Variants in PAWR observed in about 807,000 individuals in gnomAD.
PAWR encodes the protein PRKC apoptosis WT1 regulator protein.
PAWR carries 23 observed loss-of-function variants against 32.0 expected under a neutral mutation model. The observed-to-expected ratio is 0.72, with a 90% CI of 0.52 to 1.02. The LOEUF (loss-of-function observed/expected upper bound fraction) is 1.02. Among genes scored for constraint, PAWR ranks in the 50% least tolerant of loss-of-function variants. The pLI is 0.00. For missense variants in PAWR, 457 were observed against 437.7 expected, an observed-to-expected ratio of 1.04 and a Z score of -0.39; for synonymous variants, 226 against 187.1, an observed-to-expected ratio of 1.21 and a Z score of -1.70.
chr12:79,635,229 C>A (rs1202317066), intron 2 of PAWR, among the ~76,000 whole-genome samples: 1 of 152,050 alleles, frequency 6.6e-6, no homozygotes, highest in Non-Finnish European at 1.5e-5. Flanking sequence ...TAGCTTGGGA[C>A]CTGGTAGTAG....
intron 4 of PAWR, chr12:79,604,673 C>G: frequency 7.8e-7 from 1 of 1,288,692 alleles, no homozygotes; most frequent in Non-Finnish European, 1.0e-6. Context: ...CTCCAACACT[C>G]CCACTCCTCG....
chr12:79,686,032 T>C (rs1381015216), intron 2 of PAWR, among the ~76,000 whole-genome samples: 3 of 152,224 alleles, frequency 2.0e-5, no homozygotes, highest in Non-Finnish European at 4.4e-5. Context: ...TGCTGTGAAC[T>C]TCAGTACATA....
chr12:79,623,500 A>C (rs1357988400), intron 2 of PAWR, among the ~76,000 whole-genome samples: 2 of 118,434 alleles, frequency 1.7e-5, no homozygotes, highest in African/African-American at 1.6e-4. Context: ...AACATTTTAG[A>C]ATTATGAGTT....
chr12:79,587,928 T>C lies in PAWR; in HGVS notation c.*4679A>G, dbSNP rs1408886475. ...TCAAAGCTGTCTAACACAATACTAA[T>C]GTGTTCAATAAATTATCCAGATGTT... On this transcript the variant is annotated 3_prime_UTR_variant, in exon 7 of 7. Coordinates refer to ENST00000328827, the MANE Select transcript of PAWR (RefSeq NM_002583.4). 6.6e-6 allele frequency: 1 copy of C among 152,018 alleles called. No homozygotes were observed. Among genetic ancestry groups the C allele is most frequent in the East Asian group, 1.9e-4 (1 of 5,202 alleles). The allele number at this position is 152,018 out of a possible 1,614,324, so 9.4% of individuals were successfully genotyped here.
intron 3 of PAWR, among the ~76,000 whole-genome samples, chr12:79,617,523 CTG>C (rs1874797526): frequency 6.6e-6 from 1 of 151,836 alleles, no homozygotes; most frequent in East Asian, 1.9e-4. Context: ...AAAGAGAAAA[CTG>C]GGCATATCTT....
chr12:79,641,134 T>C (rs187930286), intron 2 of PAWR, among the ~76,000 whole-genome samples: 54 of 152,320 alleles, frequency 3.5e-4, no homozygotes, highest in Non-Finnish European at 6.2e-4. Context: ...TCAGGTTTTG[T>C]TGCTTATACA....
At chr12:79,618,401 TTACAGGCA>T (rs1178649350) in intron 3 of PAWR, among the ~76,000 whole-genome samples, 3 of 152,178 alleles carry the variant, frequency 2.0e-5, no homozygotes, top group African/African-American at 4.8e-5. Flanking sequence ...AGTGCTGGGA[TTACAGGCA>T]TGAGCCACTG....
chr12:79,677,910 T>A (rs1314640907), intron 2 of PAWR, among the ~76,000 whole-genome samples: 1 of 152,132 alleles, frequency 6.6e-6, no homozygotes, highest in Non-Finnish European at 1.5e-5. Context: ...GCTATAAACT[T>A]CTCCATGATT....
At chr12:79,595,437 C>T (rs1262311208) in intron 5 of PAWR, among the ~76,000 whole-genome samples, 1 of 152,222 alleles carries the variant, frequency 6.6e-6, no homozygotes, top group Non-Finnish European at 1.5e-5. Flanking sequence ...TATCCCTTAG[C>T]TGCTGCCAAC....
chr12:79,613,543 C>G (rs1874535295), intron 4 of PAWR, 32 bp downstream of exon 4: 3 of 1,261,246 alleles, frequency 2.4e-6, no homozygotes, highest in African/African-American at 2.9e-5. Flanking sequence ...ACATTCATGT[C>G]TACAATATGT....
chr12:79,680,703 T>C (rs918812568), intron 2 of PAWR, among the ~76,000 whole-genome samples: 2 of 152,162 alleles, frequency 1.3e-5, no homozygotes, highest in East Asian at 3.9e-4. Flanking sequence ...TCAAAGGTTA[T>C]AGAGGTTTAA....
intron 3 of PAWR, among the ~76,000 whole-genome samples, chr12:79,616,056 CAAA>C (rs140963642): frequency 1.9e-4 from 14 of 72,364 alleles, no homozygotes; most frequent in Non-Finnish European, 2.1e-4. Flanking sequence ...GACCCTGTCT[CAAA>C]AAAAAAAAAA....
chr12:79,651,687 G>C (rs542205838), intron 2 of PAWR, among the ~76,000 whole-genome samples: 51 of 118,846 alleles, frequency 4.3e-4, no homozygotes, highest in African/African-American at 1.3e-3. Flanking sequence ...GCCATCCTGG[G>C]CTCACAAAAA....
Position 79,690,230 on chromosome 12 carries a change from G to A in PAWR, c.15C>T (p.Gly5=). ...CGCCGAGGCCGCTGCTGGTCCGGTAGCCACCGGTCGCCATATTCCCAAAGG... is the reference window on the plus strand; with the variant it reads ...CGCCGAGGCCGCTGCTGGTCCGGTAACCACCGGTCGCCATATTCCCAAAGG... The part of the protein sequence containing the change: MATG[G]YRTSSGLGGS... The change falls in exon 2 of 7, where the codon GGC becomes GGT. Residue 5 remains glycine (G), a synonymous_variant. Coordinates refer to ENST00000328827, the MANE Select transcript of PAWR (RefSeq NM_002583.4). 1 of 1,515,212 alleles carries A rather than the reference G, an allele frequency of 6.6e-7. No homozygotes were observed. Among genetic ancestry groups the A allele is most frequent in the Admixed American group, 2.0e-5 (1 of 49,408 alleles). The allele number at this position is 1,515,212 out of a possible 1,614,324, so 93.9% of individuals were successfully genotyped here.
At chr12:79,636,915 ATT>A (rs1490329724) in intron 2 of PAWR, among the ~76,000 whole-genome samples, 2 of 152,118 alleles carry the variant, frequency 1.3e-5, no homozygotes, top group African/African-American at 4.8e-5. Context: ...TTTTGAACAA[ATT>A]TTTGCAAAGT....
At chr12:79,648,284 A>T (rs1001328952) in intron 2 of PAWR, among the ~76,000 whole-genome samples, 3 of 152,172 alleles carry the variant, frequency 2.0e-5, no homozygotes, top group African/African-American at 7.2e-5. Flanking sequence ...CCAAGAAGGT[A>T]CTGTGCCCAG....
At chr12:79,639,980 G>A (rs1050244746) in intron 2 of PAWR, among the ~76,000 whole-genome samples, 1 of 149,570 alleles carries the variant, frequency 6.7e-6, no homozygotes, top group Non-Finnish European at 1.5e-5. Context: ...TCTCATCTAA[G>A]CGCAACCACC....
intron 4 of PAWR, among the ~76,000 whole-genome samples, chr12:79,608,749 A>G (rs1359214692): frequency 6.6e-6 from 1 of 152,198 alleles, no homozygotes; most frequent in Non-Finnish European, 1.5e-5. Flanking sequence ...AAATCACTCA[A>G]TAAAAACATG....
chr12:79,613,931 T>TTTTATATATA (rs1874555348), intron 3 of PAWR, among the ~76,000 whole-genome samples: 1 of 46,762 alleles, frequency 2.1e-5, no homozygotes, highest in Non-Finnish European at 4.1e-5. Context: ...AGTACCACCA[T>TTTTATATATA]TATATATATA....
Sources: gnomAD v4.1 joint callset for allele counts (sites outside exome capture counted in the v4.1 genomes callset) on GRCh38, gnomAD v4.1.1 for gene constraint, MANE v1.5 for transcripts, NCBI Gene and HGNC (gene_info 2026-07-23, HGNC 2026-07-21) for gene names.